EYS: variants seen among roughly 807,000 people sequenced by gnomAD.
EYS encodes the protein protein eyes shut homolog.
In EYS, 250 loss-of-function variants were observed where a neutral mutation model predicts 282.1. The ratio of observed to expected loss-of-function variants is 0.89; its 90% CI spans 0.80 to 0.98. EYS has a LOEUF of 0.98. Among genes scored for constraint, EYS ranks in the 50% least tolerant of loss-of-function variants. The pLI is 0.00. For synonymous variants in EYS, 1,355 were observed against 1,282.9 expected (o/e 1.06, Z -1.20); for missense variants, 4,016 against 3,709.0 (o/e 1.08, Z -2.15).
chr6:64,121,514 A>T (rs2150274305), intron 31 of EYS, among the ~76,000 whole-genome samples: 1 of 152,330 alleles, frequency 6.6e-6, no homozygotes, highest in Non-Finnish European at 1.5e-5. Flanking sequence ...CGTTATGTTT[A>T]ACATCATCTT....
At chr6:64,827,891 TA>T (rs537417057) in intron 19 of EYS, among the ~76,000 whole-genome samples, 226 of 151,530 alleles carry the variant, frequency 1.5e-3, no homozygotes, top group African/African-American at 5.2e-3. Context: ...TTATGAAATG[TA>T]AAAAAAATCC....
chr6:64,360,630 G>A (rs961228629), intron 29 of EYS, among the ~76,000 whole-genome samples: 4 of 151,708 alleles, frequency 2.6e-5, no homozygotes, highest in African/African-American at 9.7e-5. Context: ...GTTTCAGGAA[G>A]CCCAATATGA....
At chr6:64,838,339 T>A (rs1422926283) in intron 19 of EYS, among the ~76,000 whole-genome samples, 1 of 151,886 alleles carries the variant, frequency 6.6e-6, no homozygotes, top group Admixed American at 6.6e-5. Flanking sequence ...TTAATGCTGA[T>A]GTACATTTTT....
chr6:65,374,035 G>A (rs1407823412), intron 8 of EYS, among the ~76,000 whole-genome samples: 1 of 152,160 alleles, frequency 6.6e-6, no homozygotes, highest in Non-Finnish European at 1.5e-5. Flanking sequence ...TATCTTCATA[G>A]TGCCTTAAAT....
At chr6:64,453,815 C>A (rs1306082778) in intron 26 of EYS, among the ~76,000 whole-genome samples, 3 of 152,008 alleles carry the variant, frequency 2.0e-5, no homozygotes, top group Admixed American at 6.6e-5. Context: ...AATGAGAACA[C>A]ATGGACACAG....
intron 1 of EYS, among the ~76,000 whole-genome samples, chr6:65,665,662 C>T (rs1056830197): frequency 2.0e-5 from 3 of 151,996 alleles, no homozygotes; most frequent in African/African-American, 7.2e-5. Flanking sequence ...GTCCAGTGAG[C>T]AATTAATAGA....
intron 2 of EYS, among the ~76,000 whole-genome samples, chr6:65,505,634 T>C (rs1244413993): frequency 6.6e-6 from 1 of 152,162 alleles, no homozygotes; most frequent in Non-Finnish European, 1.5e-5. Flanking sequence ...TAAGTTTCTC[T>C]TCAGACTTCT....
intron 31 of EYS, among the ~76,000 whole-genome samples, chr6:64,210,471 A>G (rs1765730213): frequency 6.6e-6 from 1 of 151,970 alleles, no homozygotes; most frequent in Non-Finnish European, 1.5e-5. Flanking sequence ...TCCTTTTTAT[A>G]AGGACTATAG....
chr6:65,306,671 A>AG (rs1034613314), intron 11 of EYS, among the ~76,000 whole-genome samples: 4 of 147,880 alleles, frequency 2.7e-5, no homozygotes, highest in African/African-American at 9.9e-5. Context: ...AAAAAAAAAA[A>AG]GAAAGAAAGA....
chr6:65,538,493 C>T (rs968237898), intron 2 of EYS, among the ~76,000 whole-genome samples: 1 of 151,988 alleles, frequency 6.6e-6, no homozygotes, highest in African/African-American at 2.4e-5. Flanking sequence ...CTCATTTAAC[C>T]CTTAAAAATT....
At chr6:64,147,716 G>A (rs1220092362) in intron 31 of EYS, among the ~76,000 whole-genome samples, 1 of 152,146 alleles carries the variant, frequency 6.6e-6, no homozygotes, top group Non-Finnish European at 1.5e-5. Flanking sequence ...AATGATGAAT[G>A]CCACTTCTGA....
intron 32 of EYS, among the ~76,000 whole-genome samples, chr6:64,081,422 T>A (rs1771963803): frequency 6.6e-6 from 1 of 152,132 alleles, no homozygotes; most frequent in Non-Finnish European, 1.5e-5. Context: ...CCAGCTTATA[T>A]CAAGATAATA....
At chr6:64,510,885 G>T (rs1262207606) in intron 26 of EYS, among the ~76,000 whole-genome samples, 1 of 151,970 alleles carries the variant, frequency 6.6e-6, no homozygotes, top group Admixed American at 6.6e-5. Flanking sequence ...CAATTCCACG[G>T]AGTTGATAGT....
intron 28 of EYS, among the ~76,000 whole-genome samples, chr6:64,423,534 G>A (rs560295192): frequency 1.3e-5 from 2 of 152,116 alleles, no homozygotes; most frequent in African/African-American, 2.4e-5. Context: ...CAGAGGAATC[G>A]CTTTCCTTTC....
rs1004734979 is a variant in EYS, at chr6:65,528,669, T to C, written c.-332-32676A>G. On this transcript the variant is annotated intron_variant, in intron 2 of 42. Coordinates refer to ENST00000503581, the MANE Select transcript of EYS (RefSeq NM_001142800.2). The stretch of plus-strand genomic sequence containing the variant: ...GTCTCCTGAACTATGAGCCAATATA[T>C]TTCCATTCATTATAAATTACCTAGT... Among the ~76,000 whole-genome samples the C allele has an allele frequency of 9.5e-4, 144 of 152,318 alleles. 2 individuals are homozygous for C. Among genetic ancestry groups the C allele is most frequent in the African/African-American group, 3.2e-3 (131 of 41,578 alleles).
intron 33 of EYS, among the ~76,000 whole-genome samples, chr6:64,043,698 T>C (rs1770493884): frequency 6.6e-6 from 1 of 152,234 alleles, no homozygotes; most frequent in African/African-American, 2.4e-5. Flanking sequence ...TTCACTGATC[T>C]ACTCCAAGTA....
At chr6:65,066,222 T>C (rs545491469) in intron 12 of EYS, among the ~76,000 whole-genome samples, 6 of 152,190 alleles carry the variant, frequency 3.9e-5, no homozygotes, top group Non-Finnish European at 5.9e-5. Flanking sequence ...TGTCCAAACA[T>C]GTATATTGTT....
intron 35 of EYS, among the ~76,000 whole-genome samples, chr6:63,912,959 C>G (rs1416460037): frequency 2.0e-5 from 3 of 152,046 alleles, no homozygotes; most frequent in African/African-American, 7.2e-5. Context: ...TACAGCAGTG[C>G]AAGAATGGAC....
chr6:65,362,492 C>A (rs140803377), intron 8 of EYS, among the ~76,000 whole-genome samples: 1 of 151,302 alleles, frequency 6.6e-6, no homozygotes, highest in Admixed American at 6.6e-5. Context: ...TATGTGTGTG[C>A]GTGTTTGTAT....
Sources: allele counts gnomAD v4.1 joint callset (sites outside exome capture counted in the v4.1 genomes callset), GRCh38; gene constraint gnomAD v4.1.1; transcripts MANE v1.5; gene names NCBI Gene and HGNC (gene_info 2026-07-23, HGNC 2026-07-21).